USP34: variants seen among roughly 807,000 people sequenced by gnomAD.
The protein encoded by USP34 is ubiquitin specific peptidase 34.
A neutral mutation model predicts 460.3 loss-of-function variants in USP34; 70 were observed. The observed-to-expected ratio is 0.15, with a 90% confidence interval of 0.13 to 0.19. The LOEUF is 0.19. Ranked by LOEUF, USP34 falls within the 10% of genes least tolerant of loss-of-function variation. The pLI, the probability that USP34 is intolerant of heterozygous loss-of-function variation, is 1.00. For synonymous variants in USP34, 1,647 were observed against 1,405.3 expected, an observed-to-expected ratio of 1.17 and a Z score of -3.85; for missense variants, 3,985 against 4,236.2, an observed-to-expected ratio of 0.94 and a Z score of 1.65.
At chr2:61,336,146 A>AC (rs1558535857) in intron 18 of USP34, among the ~76,000 whole-genome samples, 2 of 145,344 alleles carry the variant, frequency 1.4e-5, no homozygotes, top group Non-Finnish European at 1.5e-5. Context: ...TGTCCGCACA[A>AC]TTTTTTTTTT....
intron 76 of USP34, among the ~76,000 whole-genome samples, chr2:61,192,613 T>C (rs1352885323): frequency 6.6e-6 from 1 of 152,266 alleles, no homozygotes; most frequent in Non-Finnish European, 1.5e-5. Context: ...CTCCCTGTTT[T>C]GGATTTTCCC....
At chr2:61,307,557 T>C (rs962348601) in intron 27 of USP34, among the ~76,000 whole-genome samples, 24 of 146,718 alleles carry the variant, frequency 1.6e-4, no homozygotes, top group Non-Finnish European at 3.3e-4. Flanking sequence ...GGATGTTAAT[T>C]AAAAAAAAAA....
intron 3 of USP34, among the ~76,000 whole-genome samples, chr2:61,402,111 AT>A (rs1234247141): frequency 6.6e-6 from 1 of 151,890 alleles, no homozygotes; most frequent in Non-Finnish European, 1.5e-5. Context: ...TAAAAAAGTA[AT>A]AATAAAATAA....
chr2:61,330,970 C>G (rs1691242712), intron 20 of USP34, among the ~76,000 whole-genome samples: 1 of 152,016 alleles, frequency 6.6e-6, no homozygotes, highest in South Asian at 2.1e-4. Context: ...ACAAGCATAT[C>G]TATGGTTTCT....
Position 61,402,231 on chromosome 2 carries a change from G to C in USP34, c.552+3477C>G, listed in dbSNP as rs376924579. 5.3e-5 allele frequency among the ~76,000 whole-genome samples: 8 copies of C among 152,056 alleles called. No homozygotes were observed. The South Asian group carries it at 1.0e-3, about 20-fold the overall frequency. ...GGAATTCAAGGTTATGGTGACCAAT[G>C]ATCACACCACCGCACTCCAGCCTGG... On this transcript the variant is annotated intron_variant, in intron 3 of 79. Transcript: ENST00000398571.
chr2:61,209,570 G>A (rs560981233), intron 69 of USP34, among the ~76,000 whole-genome samples: 3 of 152,252 alleles, frequency 2.0e-5, no homozygotes, highest in Non-Finnish European at 2.9e-5. Context: ...CTCTGATGAC[G>A]CTGGTATAAA....
intron 62 of USP34, 147 bp from the exon 63 acceptor site, chr2:61,223,443 G>T (rs2103814178): frequency 1.3e-6 from 1 of 799,696 alleles, no homozygotes; most frequent in South Asian, 1.9e-5. Context: ...ACATTTGCTT[G>T]CTAAATGTCT....
intron 1 of USP34, among the ~76,000 whole-genome samples, 161 bp downstream of exon 1, chr2:61,470,489 C>A (rs1294798055): frequency 1.4e-5 from 2 of 147,814 alleles, no homozygotes; most frequent in African/African-American, 4.9e-5. Flanking sequence ...CCCGAGGCGC[C>A]GCGGCGGCCG....
At chr2:61,333,788 C>T in intron 19 of USP34, 94 bp downstream of exon 19, 1 of 812,284 alleles carries the variant, frequency 1.2e-6, no homozygotes, top group Non-Finnish European at 1.8e-6. Flanking sequence ...TTTCCTGGTA[C>T]AGAGTAAAAG....
chr2:61,414,541 CA>C (rs1322821691), intron 2 of USP34, among the ~76,000 whole-genome samples: 1 of 152,144 alleles, frequency 6.6e-6, no homozygotes, highest in African/African-American at 2.4e-5. Context: ...AAAAAGATGA[CA>C]AAATGGAATC....
At chr2:61,391,533 C>T (rs1159090344) in intron 5 of USP34, among the ~76,000 whole-genome samples, 1 of 152,130 alleles carries the variant, frequency 6.6e-6, no homozygotes, top group East Asian at 1.9e-4. Flanking sequence ...AACGGCTGCC[C>T]TAAAATCTAA....
chr2:61,257,210 G>C lies in USP34; in HGVS notation c.5985C>G (p.Pro1995=). 1 of 1,607,338 alleles carries C rather than the reference G, an allele frequency of 6.2e-7. No individual in the cohort carries two copies. The highest frequency in any genetic ancestry group is 8.5e-7 in the Non-Finnish European group (1 of 1,177,240). Residue 1995 remains proline (P), a synonymous_variant, in exon 45 of 80, where the codon CCC becomes CCG. Transcript: ENST00000398571. ...TCAGTATTCTGATACTAACCAGTTC[G>C]GGAGACATTTCTTCGATTTTGGTAA... ...DLITKIEEMS[P]ELKNTVKSLF...
At chr2:61,411,121 A>G (rs991093662) in intron 2 of USP34, among the ~76,000 whole-genome samples, 2 of 152,180 alleles carry the variant, frequency 1.3e-5, no homozygotes, top group African/African-American at 4.8e-5. Flanking sequence ...AAAGCAACTC[A>G]TGCCTGTAAT....
At chr2:61,192,059 A>C (rs551969744) in intron 76 of USP34, among the ~76,000 whole-genome samples, 1 of 152,240 alleles carries the variant, frequency 6.6e-6, no homozygotes, top group East Asian at 1.9e-4. Context: ...CCAGTAGAGT[A>C]CAGGATGGCA....
At chr2:61,457,271 T>A (rs1449379097) in intron 1 of USP34, among the ~76,000 whole-genome samples, 1 of 152,048 alleles carries the variant, frequency 6.6e-6, no homozygotes, top group Non-Finnish European at 1.5e-5. Context: ...GCAAGACCTG[T>A]CAAATAAATA....
At chr2:61,396,939 A>C (rs1693548873) in intron 3 of USP34, among the ~76,000 whole-genome samples, 1 of 152,226 alleles carries the variant, frequency 6.6e-6, no homozygotes, top group African/African-American at 2.4e-5. Context: ...TTTTAAGGTT[A>C]CATCTTTAAA....
Position 61,314,742 on chromosome 2 carries a change from T to C in USP34, c.3385A>G (p.Lys1129Glu), listed in dbSNP as rs1340248316. 6.3e-7 allele frequency: 1 copy of C among 1,577,114 alleles called. No individual in the cohort carries two copies. The highest frequency in any genetic ancestry group is 8.6e-7 in the Non-Finnish European group (1 of 1,166,378). Residue 1129 changes from lysine to glutamate, a missense_variant and splice_region_variant, in exon 25 of 80, where the codon AAA becomes GAA. Transcript: ENST00000398571. ...TCTTGCTCCTTCTCCAAACCTGTTT[T>C]ACCTGAAAGCCAAATGTTTAGACAC... is the stretch of plus-strand genomic sequence containing the variant. ...QYINSYYING[K>E]TGLEKEQEFI...
intron 10 of USP34, among the ~76,000 whole-genome samples, chr2:61,367,861 CA>C (rs11331578): frequency 0.33 from 50,730 of 151,730 alleles, 8,560 homozygotes; most frequent in Non-Finnish European, 0.38. Flanking sequence ...ATCATTAACA[CA>C]ATGAAAATAT....
rs1689930218 is a variant in USP34, at chr2:61,293,663, CTAT to C, written c.4462-116_4462-114del. 3 of 682,048 alleles carry C rather than the reference CTAT, an allele frequency of 4.4e-6. No individual in the cohort carries two copies. In the South Asian group the frequency reaches 6.3e-5, roughly 14 times the overall value. 42.2% of individuals were successfully genotyped at this position (682,048 alleles called of 1,614,324 possible). On this transcript the variant is annotated intron_variant, in intron 32 of 79. Transcript: ENST00000398571. ...TATTACGTATCTTTTATTTACACTA[CTAT>C]TCATTTAAATTACCAAAATAATTTC...
Sources: allele counts gnomAD v4.1 joint callset (sites outside exome capture counted in the v4.1 genomes callset), GRCh38; gene constraint gnomAD v4.1.1; transcripts MANE v1.5; gene names NCBI Gene and HGNC (gene_info 2026-07-23, HGNC 2026-07-21).